The following SUSD5 variants were observed in gnomAD, a reference collection of about 807,000 sequenced individuals.
SUSD5 encodes the protein sushi domain-containing protein 5.
Under a neutral mutation model 29.5 loss-of-function variants are expected in SUSD5, and 33 were observed. The observed-to-expected ratio is 1.12, with a 90% CI of 0.85 to 1.49. The LOEUF (loss-of-function observed/expected upper bound fraction) is 1.49. Among genes scored for constraint, SUSD5 ranks in the 40% most tolerant of loss-of-function variants. The probability of loss-of-function intolerance (pLI) is 0.00; values close to 1 mark genes in which losing one functional copy is unlikely to be tolerated. For missense variants in SUSD5, 776 were observed against 800.6 expected, an observed-to-expected ratio of 0.97 and a Z score of 0.37; for synonymous variants, 308 against 325.3, an observed-to-expected ratio of 0.95 and a Z score of 0.57.
chr3:33,199,125 A>C (rs1407982024), intron 3 of SUSD5, among the ~76,000 whole-genome samples: 1 of 152,122 alleles, frequency 6.6e-6, no homozygotes. Flanking sequence ...AATACAGAGC[A>C]TGAACTATAA....
At chr3:33,211,907 T>C (rs1017154549) in intron 2 of SUSD5, among the ~76,000 whole-genome samples, 3 of 152,300 alleles carry the variant, frequency 2.0e-5, no homozygotes, top group Non-Finnish European at 4.4e-5. Context: ...TTGAGTTGAT[T>C]TTTATATGAG....
intron 3 of SUSD5, among the ~76,000 whole-genome samples, chr3:33,203,006 A>G (rs1490165142): frequency 6.6e-6 from 1 of 152,150 alleles, no homozygotes; most frequent in Non-Finnish European, 1.5e-5. Context: ...CACTGGGAAA[A>G]AGGCAAGCTT....
intron 4 of SUSD5, among the ~76,000 whole-genome samples, chr3:33,156,438 A>C (rs557082540): frequency 6.6e-6 from 1 of 152,188 alleles, no homozygotes; most frequent in African/African-American, 2.4e-5. Flanking sequence ...ATAAGAAGCA[A>C]TAGAGCCCCA....
intron 4 of SUSD5, among the ~76,000 whole-genome samples, chr3:33,154,344 G>A (rs540859415): frequency 8.5e-5 from 13 of 152,230 alleles, no homozygotes; most frequent in South Asian, 4.2e-4. Context: ...CCAACATGGC[G>A]AATGCCCATC....
chr3:33,171,585 G>T (rs542983675), intron 4 of SUSD5, among the ~76,000 whole-genome samples: 1 of 152,226 alleles, frequency 6.6e-6, no homozygotes, highest in South Asian at 2.1e-4. Context: ...TATCGTTTGT[G>T]TCTTCCCTAT....
intron 3 of SUSD5, among the ~76,000 whole-genome samples, chr3:33,183,471 C>G (rs567995053): frequency 6.6e-6 from 1 of 152,090 alleles, no homozygotes; most frequent in African/African-American, 2.4e-5. Context: ...ATTTACAAGT[C>G]CAACTCCACT....
intron 1 of SUSD5, among the ~76,000 whole-genome samples, chr3:33,217,885 T>A (rs2032452702): frequency 6.6e-6 from 1 of 152,242 alleles, no homozygotes; most frequent in Admixed American, 6.5e-5. Flanking sequence ...CAGATGCTCC[T>A]GTACCAAGTC....
Position 33,152,779 on chromosome 3 carries a change from C to A in SUSD5, c.1853G>T (p.Arg618Leu), listed in dbSNP as rs370876768. ...YKLNVGQRQA[R>L]HYHQQIEMEK... ...CATCTCGATCTGCTGGTGGTAGTGC[C>A]GAGCCTGCCGCTGGCCAACATTCAG... The change falls in exon 5 of 5, where the codon CGG becomes CTG. Residue 618 changes from arginine to leucine, a missense_variant. Arg to Leu is a moderately radical substitution (Grantham distance 102). Coordinates refer to ENST00000309558, the MANE Select transcript of SUSD5 (RefSeq NM_015551.2). 3 of 1,613,136 alleles carry A rather than the reference C, an allele frequency of 1.9e-6. No individual in the cohort carries two copies. The highest frequency in any genetic ancestry group is 2.5e-6 in the Non-Finnish European group (3 of 1,179,392).
chr3:33,162,284 G>C (rs1156377275), intron 4 of SUSD5, among the ~76,000 whole-genome samples: 1 of 152,164 alleles, frequency 6.6e-6, no homozygotes, highest in African/African-American at 2.4e-5. Context: ...ATCAAAACTT[G>C]TGGGAAACAG....
chr3:33,165,821 C>CT (rs2031291409), intron 4 of SUSD5, among the ~76,000 whole-genome samples: 1 of 152,144 alleles, frequency 6.6e-6, no homozygotes, highest in South Asian at 2.1e-4. Context: ...ATTCATTCAT[C>CT]TTAAGATGTC....
chr3:33,158,803 A>G (rs1392823338), intron 4 of SUSD5, among the ~76,000 whole-genome samples: 1 of 151,982 alleles, frequency 6.6e-6, no homozygotes, highest in Admixed American at 6.6e-5. Context: ...CTCCAAGATC[A>G]TTTTTCCTCA....
At chr3:33,168,494 A>C in intron 4 of SUSD5, 1 of 983,954 alleles carries the variant, frequency 1.0e-6, no homozygotes, top group Non-Finnish European at 1.2e-6. Context: ...TACCTGTAGA[A>C]ATGAGAAAAG....
intron 1 of SUSD5, 103 bp from the exon 2 acceptor site, chr3:33,214,208 C>A (rs2032381745): frequency 6.1e-6 from 7 of 1,151,432 alleles, no homozygotes; most frequent in Non-Finnish European, 2.4e-6. Flanking sequence ...GTAGTCCTTG[C>A]CTGAAGGCCC....
Position 33,153,762 on chromosome 3 carries a change from C to T in SUSD5, c.870G>A (p.Gln290=). The T allele has an allele frequency of 6.2e-7, 1 of 1,614,060 alleles. No individual in the cohort carries two copies. The stretch of plus-strand genomic sequence containing the variant: ...CAGCAGGAAACCAGAACAAGTGCTT[C>T]TGGAGCAGCCGTGATCCTGGTGAAT... ...PADSPGSRLL[Q]KHLFWFPAEA... Residue 290 remains glutamine (Q), a synonymous_variant, in exon 5 of 5, where the codon CAG becomes CAA. Coordinates refer to ENST00000309558, the MANE Select transcript of SUSD5 (RefSeq NM_015551.2).
At chr3:33,176,154 A>G (rs1204944746) in intron 3 of SUSD5, among the ~76,000 whole-genome samples, 1 of 152,126 alleles carries the variant, frequency 6.6e-6, no homozygotes, top group East Asian at 1.9e-4. Context: ...AAGCTCCTCC[A>G]TGTCTTCTTA....
At chr3:33,213,296 T>C (rs1261921787) in intron 2 of SUSD5, among the ~76,000 whole-genome samples, 1 of 151,948 alleles carries the variant, frequency 6.6e-6, no homozygotes, top group Non-Finnish European at 1.5e-5. Flanking sequence ...GTCTTAGCTA[T>C]AGGAGGCTGA....
Position 33,153,830 on chromosome 3 carries a change from G to GGA in SUSD5, c.801_802insTC (p.Pro268SerfsTer61). On this transcript the variant is annotated frameshift_variant, in exon 5 of 5. Transcript: ENST00000309558. LOFTEE classifies it low-confidence loss of function (END_TRUNC). ...CCAGCACCAGGCAAGCCTGTGGTTG[G>GGA]CACAAAGACTTTATCCCGGGCTATG... 6.2e-7 allele frequency: 1 copy of GGA among 1,613,962 alleles called. No homozygotes were observed. The highest frequency in any genetic ancestry group is 8.5e-7 in the Non-Finnish European group (1 of 1,179,852).
intron 4 of SUSD5, among the ~76,000 whole-genome samples, chr3:33,155,483 C>T (rs569087540): frequency 1.3e-5 from 2 of 152,274 alleles, no homozygotes; most frequent in South Asian, 4.2e-4. Context: ...GGAACAACCA[C>T]GATGGAAAAC....
At chr3:33,203,022 G>A (rs2032148836) in intron 3 of SUSD5, among the ~76,000 whole-genome samples, 1 of 152,180 alleles carries the variant, frequency 6.6e-6, no homozygotes, top group Admixed American at 6.5e-5. Flanking sequence ...AGCTTTGGAG[G>A]AATACTGCAC....
Sources: gnomAD v4.1 joint callset for allele counts (sites outside exome capture counted in the v4.1 genomes callset) on GRCh38, gnomAD v4.1.1 for gene constraint, MANE v1.5 for transcripts, NCBI Gene and HGNC (gene_info 2026-07-23, HGNC 2026-07-21) for gene names.